The following PTPRG variants were observed in gnomAD, a reference collection of about 807,000 sequenced individuals.
The protein encoded by PTPRG is receptor-type tyrosine-protein phosphatase gamma.
Under a neutral mutation model 165.3 loss-of-function variants are expected in PTPRG, and 102 were observed. That is an observed-to-expected ratio of 0.62 (90% confidence interval 0.53 to 0.73). PTPRG has a LOEUF of 0.73. Among genes scored for constraint, PTPRG ranks in the 30% least tolerant of loss-of-function variants. The pLI, the probability that PTPRG is intolerant of heterozygous loss-of-function variation, is 0.00. For synonymous variants in PTPRG, 675 were observed against 669.5 expected, an observed-to-expected ratio of 1.01 and a Z score of -0.13; for missense variants, 1,866 against 1,861.4, an observed-to-expected ratio of 1.00 and a Z score of -0.05.
chr3:62,195,076 C>G lies in PTPRG; in HGVS notation c.1233C>G (p.Ser411Arg). The G allele has an allele frequency of 8.1e-6, 13 of 1,614,164 alleles. No homozygotes were observed. The highest frequency in any genetic ancestry group is 1.1e-5 in the Non-Finnish European group (13 of 1,179,984). Reference sequence around the variant, plus strand: ...TTTACTTACAGAAAGCCACCATTAGCCATGTCTCACCCGATAGCCTTTACC... The same window carrying G: ...TTTACTTACAGAAAGCCACCATTAGGCATGTCTCACCCGATAGCCTTTACC... ...DSDKDLKATI[S>R]HVSPDSLYLF... is the part of the protein sequence containing the mutation. Residue 411 changes from serine to arginine, a missense_variant, in exon 10 of 30, where the codon AGC (serine) becomes AGG (arginine). Coordinates refer to ENST00000474889, the MANE Select transcript of PTPRG (RefSeq NM_002841.4). This position sits in a 1 kb window ranked among gnomAD's most constrained non-coding sequence, Gnocchi z 4.4.
chr3:61,980,458 C>G (rs1475705228), intron 2 of PTPRG, among the ~76,000 whole-genome samples: 2 of 152,086 alleles, frequency 1.3e-5, no homozygotes, highest in African/African-American at 2.4e-5. Context: ...CCAAGTTCGT[C>G]CTTCTCTTAT....
chr3:61,937,001 A>G (rs1052677724), intron 2 of PTPRG, among the ~76,000 whole-genome samples: 1 of 152,194 alleles, frequency 6.6e-6, no homozygotes, highest in African/African-American at 2.4e-5. Flanking sequence ...GAATCAGATG[A>G]CCAGGCAGAG....
At chr3:62,007,446 A>T (rs927770084) in intron 4 of PTPRG, among the ~76,000 whole-genome samples, 3 of 152,252 alleles carry the variant, frequency 2.0e-5, no homozygotes, top group Non-Finnish European at 2.9e-5. Context: ...AAAGTTAGAA[A>T]AGAAAGTTGA....
Position 61,999,293 on chromosome 3 carries a change from C to T in PTPRG, c.371-4056C>T, listed in dbSNP as rs144209329. ...AACTCCTAACCTCAGGTGATCCGCC[C>T]CCCTCAGCCTCCCAAAGCGCTGGGG... is the stretch of plus-strand genomic sequence containing the variant. On this transcript the variant is annotated intron_variant, in intron 3 of 29. Coordinates refer to ENST00000474889, the MANE Select transcript of PTPRG (RefSeq NM_002841.4). Among the ~76,000 whole-genome samples, 131 of 152,200 alleles carry T rather than the reference C, an allele frequency of 8.6e-4. 3 individuals carry two copies. The East Asian group carries it at 0.023, about 27-fold the overall frequency.
chr3:61,581,186 CAGTT>C (rs1264337518), intron 1 of PTPRG, among the ~76,000 whole-genome samples: 2 of 152,216 alleles, frequency 1.3e-5, no homozygotes, highest in Non-Finnish European at 2.9e-5. Context: ...ACTGTGCTCT[CAGTT>C]AGTTCTAGCC....
rs1703039610 is a variant in PTPRG at position 62,295,721 on chromosome 3, C to A, written c.*2414C>A. ...ATATCCTGACCCACTGAATTATAAG[C>A]AATTGCTACTTGCCCATCTTGCCAA... is the stretch of plus-strand genomic sequence containing the variant. On this transcript the variant is annotated 3_prime_UTR_variant, in exon 30 of 30. Coordinates refer to ENST00000474889, the MANE Select transcript of PTPRG (RefSeq NM_002841.4). The A allele has an allele frequency of 6.6e-6, 1 of 152,102 alleles. No homozygotes were observed. Among genetic ancestry groups the A allele is most frequent in the South Asian group, 2.1e-4 (1 of 4,828 alleles). 9.4% of individuals were successfully genotyped at this position (152,102 alleles called of 1,614,324 possible).
At chr3:62,282,593 G>C in intron 27 of PTPRG, 134 bp from the exon 28 acceptor site, 1 of 804,418 alleles carries the variant, frequency 1.2e-6, no homozygotes, top group Non-Finnish European at 1.8e-6. Context: ...CTTCTTTCCA[G>C]CTGTGGTTTG....
rs527722149 is a variant in PTPRG, at chr3:62,203,913, A to C, written c.2118A>C (p.Arg706=). The change falls in exon 12 of 30, where the codon CGA becomes CGC. Residue 706 remains arginine, a synonymous_variant. Coordinates refer to ENST00000474889, the MANE Select transcript of PTPRG (RefSeq NM_002841.4). The surrounding 1 kb of genome is among the most constrained non-coding windows in gnomAD (Gnocchi z 6.4). The part of the protein sequence containing the change: ...PSKKPMSRGD[R]FSEDSRFITV... ...AAAAGCCTATGTCCCGCGGGGACCG[A>C]TTTTCTGAAGACAGCAGATTTATCA... 6.3e-6 allele frequency: 10 copies of C among 1,597,038 alleles called. No homozygotes were observed. The highest frequency in any genetic ancestry group is 8.5e-6 in the Non-Finnish European group (10 of 1,170,668).
intron 5 of PTPRG, among the ~76,000 whole-genome samples, chr3:62,081,230 C>T (rs1701562506): frequency 6.7e-6 from 1 of 149,448 alleles, no homozygotes; most frequent in Admixed American, 6.6e-5. Context: ...GCACACCAGC[C>T]TGGGCGACAG....
chr3:62,067,317 A>T (rs1376409144), intron 4 of PTPRG, among the ~76,000 whole-genome samples: 1 of 149,114 alleles, frequency 6.7e-6, no homozygotes, highest in African/African-American at 2.5e-5. Flanking sequence ...AACTCCCATG[A>T]TGTGGGGCAC....
At chr3:62,143,080 C>T (rs1408410528) in intron 6 of PTPRG, among the ~76,000 whole-genome samples, 2 of 152,166 alleles carry the variant, frequency 1.3e-5, no homozygotes, top group African/African-American at 4.8e-5. Flanking sequence ...CGCTCAGATC[C>T]CTGCCAGGCT....
At chr3:62,020,069 G>T (rs1400671165) in intron 4 of PTPRG, among the ~76,000 whole-genome samples, 1 of 152,052 alleles carries the variant, frequency 6.6e-6, no homozygotes, top group African/African-American at 2.4e-5. Context: ...CATAGATTCT[G>T]TTGATCATAG....
intron 2 of PTPRG, among the ~76,000 whole-genome samples, chr3:61,761,879 C>T (rs184548717): frequency 3.2e-4 from 49 of 152,304 alleles, no homozygotes; most frequent in African/African-American, 1.2e-3. Context: ...CACTTTTCCT[C>T]CTGGAAACTG....
chr3:61,840,788 T>TG (rs1559642752), intron 2 of PTPRG, among the ~76,000 whole-genome samples: 4,556 of 142,980 alleles, frequency 0.032, 82 homozygotes, highest in Middle Eastern at 0.053. Flanking sequence ...GTTTGTTTTT[T>TG]TTTTTTTTTT....
intron 2 of PTPRG, among the ~76,000 whole-genome samples, chr3:61,794,918 T>C (rs1429841384): frequency 6.6e-6 from 1 of 152,170 alleles, no homozygotes; most frequent in African/African-American, 2.4e-5. Context: ...AGTCATAATA[T>C]GAGTGGTTAA....
chr3:61,586,021 A>G (rs1372151218), intron 1 of PTPRG, among the ~76,000 whole-genome samples: 1 of 152,212 alleles, frequency 6.6e-6, no homozygotes, highest in Non-Finnish European at 1.5e-5. Context: ...TATAACATGA[A>G]TTTTTAGTGA....
At chr3:61,581,035 G>T (rs1443004963) in intron 1 of PTPRG, among the ~76,000 whole-genome samples, 2 of 152,206 alleles carry the variant, frequency 1.3e-5, no homozygotes, top group African/African-American at 4.8e-5. Context: ...ACTTTTCAAA[G>T]CCTGGGCTTG....
At chr3:61,617,388 C>G (rs1701326719) in intron 1 of PTPRG, among the ~76,000 whole-genome samples, 1 of 152,168 alleles carries the variant, frequency 6.6e-6, no homozygotes, top group Non-Finnish European at 1.5e-5. Flanking sequence ...ACTTGTTCGG[C>G]ATGTGGGTTG....
At chr3:61,743,159 CT>C in intron 1 of PTPRG, 7 of 945,018 alleles carry the variant, frequency 7.4e-6, no homozygotes, top group Admixed American at 2.0e-5. Context: ...ATATTTTTAT[CT>C]TTTTTTGCTT....
Sources: allele counts gnomAD v4.1 joint callset (sites outside exome capture counted in the v4.1 genomes callset), GRCh38; gene constraint gnomAD v4.1.1; non-coding constraint Gnocchi (gnomAD v3.1); transcripts MANE v1.5; gene names NCBI Gene and HGNC (gene_info 2026-07-23, HGNC 2026-07-21).